Variants in SLCO3A1 observed in about 807,000 individuals in gnomAD.
SLCO3A1 encodes PGE1 transporter.
Under a neutral mutation model 63.1 loss-of-function variants are expected in SLCO3A1, and 27 were observed. The observed-to-expected ratio is 0.43, with a 90% CI of 0.32 to 0.59. The LOEUF (loss-of-function observed/expected upper bound fraction) is 0.59. Among genes scored for constraint, SLCO3A1 ranks in the 20% least tolerant of loss-of-function variants. The pLI, the probability that SLCO3A1 is intolerant of heterozygous loss-of-function variation, is 0.09. For missense variants in SLCO3A1, 773 were observed against 945.8 expected (o/e 0.82, Z 2.40); for synonymous variants, 473 against 409.9 (o/e 1.15, Z -1.86).
At chr15:92,039,519 A>G (rs113563647) in intron 2 of SLCO3A1, among the ~76,000 whole-genome samples, 1,757 of 152,374 alleles carry the variant, frequency 0.012, 31 homozygotes, top group African/African-American at 0.04. Flanking sequence ...CGACAATGAG[A>G]TAGTGTTTTG....
At chr15:91,880,427 A>T (rs1476385461) in intron 1 of SLCO3A1, among the ~76,000 whole-genome samples, 41 of 26,856 alleles carry the variant, frequency 1.5e-3, no homozygotes, top group East Asian at 6.8e-3. Flanking sequence ...GTGTGTGTGT[A>T]GTTCTTTGCA....
chr15:91,912,621 A>G lies in SLCO3A1; in HGVS notation c.181-3372A>G, dbSNP rs760921594. Among the ~76,000 whole-genome samples, 1 of 152,196 alleles carries G rather than the reference A, an allele frequency of 6.6e-6. No homozygotes were observed. The highest frequency in any genetic ancestry group is 1.5e-5 in the Non-Finnish European group (1 of 68,040). ...CACCTGCTGAAATGGAGCAGTTGTCATGTTTCAGATTTGTTGTCTTGTGTG... is the reference window on the plus strand; with the variant it reads ...CACCTGCTGAAATGGAGCAGTTGTCGTGTTTCAGATTTGTTGTCTTGTGTG... On this transcript the variant is annotated intron_variant, in intron 1 of 9. Transcript: ENST00000318445. This position sits in a 1 kb window ranked among gnomAD's most constrained non-coding sequence, Gnocchi z 5.0.
chr15:91,880,389 C>CTGTGTGTGTGTGTGTG lies in SLCO3A1; in HGVS notation c.180+26302_180+26303insGTGTGTGTGTGTGTGT, dbSNP rs1358208114. On this transcript the variant is annotated intron_variant, in intron 1 of 9. Transcript: ENST00000318445. ...TTTACCGGCACTCGTGCTTCTCTCT[C>CTGTGTGTGTGTGTGTG]TCTCTCTCTCTCTCTCTCTCTGTGT... 3.9e-3 allele frequency among the ~76,000 whole-genome samples: 409 copies of CTGTGTGTGTGTGTGTG among 103,712 alleles called. 4 individuals are homozygous for CTGTGTGTGTGTGTGTG. The highest frequency in any genetic ancestry group is 0.022 in the African/African-American group (387 of 17,864). 68.0% of individuals were successfully genotyped at this position (103,712 alleles called of 152,430 possible). A position where few individuals can be genotyped will look rare whatever the true frequency, so the allele number is the denominator to read the frequency against.
intron 2 of SLCO3A1, among the ~76,000 whole-genome samples, chr15:91,975,810 T>C (rs1341243676): frequency 6.6e-6 from 1 of 152,218 alleles, no homozygotes; most frequent in African/African-American, 2.4e-5. Flanking sequence ...AGCAGCCTAC[T>C]TTCCCTAGCA....
intron 2 of SLCO3A1, among the ~76,000 whole-genome samples, chr15:91,970,389 G>A (rs578256315): frequency 5.4e-4 from 82 of 152,334 alleles, no homozygotes; most frequent in African/African-American, 1.9e-3. Context: ...CCCTGGAGCA[G>A]CCAGCAAAGT....
chr15:92,104,435 A>G lies in SLCO3A1; in HGVS notation c.902A>G (p.Gln301Arg), dbSNP rs1484885148. ...TCAGAGCCCGCCATGGAAAGCGAGCAGGCCATGCTCTCCGAAAGAGAATAC... is the reference window on the plus strand; with the variant it reads ...TCAGAGCCCGCCATGGAAAGCGAGCGGGCCATGCTCTCCGAAAGAGAATAC... Reference protein sequence around the residue: ...PHSEPAMESEQAMLSEREYER... With the variant: ...PHSEPAMESERAMLSEREYER... Residue 301 changes from glutamine to arginine, a missense_variant, in exon 4 of 10, where the codon CAG (glutamine) becomes CGG (arginine). Physicochemically the swap from Gln to Arg is conservative, Grantham distance 43. Around this residue, in one of 3 missense-constraint regions of SLCO3A1, gnomAD observed 565 missense variants for 749.8 expected, o/e 0.75. Coordinates refer to ENST00000318445, the MANE Select transcript of SLCO3A1 (RefSeq NM_013272.4). 2 of 1,614,078 alleles carry G rather than the reference A, an allele frequency of 1.2e-6. No homozygotes were observed. The highest frequency in any genetic ancestry group is 1.7e-6 in the Non-Finnish European group (2 of 1,180,038).
At chr15:91,896,020 G>A (rs958322091) in intron 1 of SLCO3A1, among the ~76,000 whole-genome samples, 3 of 152,132 alleles carry the variant, frequency 2.0e-5, no homozygotes, top group Admixed American at 2.0e-4. Context: ...TTGTCATTTT[G>A]CTCCTCTAAA....
intron 2 of SLCO3A1, among the ~76,000 whole-genome samples, chr15:91,966,070 T>G (rs1214529833): frequency 6.6e-6 from 1 of 152,134 alleles, no homozygotes; most frequent in African/African-American, 2.4e-5. Flanking sequence ...GCCTCGTCAT[T>G]TTGGCAGCCG....
chr15:92,163,050 T>G lies in SLCO3A1; in HGVS notation c.2048T>G (p.Val683Gly), dbSNP rs764960445. The change falls in exon 10 of 10, where the codon GTG becomes GGG. Residue 683 changes from valine to glycine, a missense_variant. Around this residue, in one of 3 missense-constraint regions of SLCO3A1, gnomAD observed 139 missense variants for 131.4 expected, o/e 1.06. Coordinates refer to ENST00000318445, the MANE Select transcript of SLCO3A1 (RefSeq NM_013272.4). Reference sequence around the variant, plus strand: ...CTAGACAACCTGGGGAGGGACCCTGTGCCCGCAAACCAGACACATAGGACA... The same window carrying G: ...CTAGACAACCTGGGGAGGGACCCTGGGCCCGCAAACCAGACACATAGGACA... ...LTLDNLGRDP[V>G]PANQTHRTKF... The G allele has an allele frequency of 2.5e-6, 4 of 1,584,204 alleles. No homozygotes were observed. The highest frequency in any genetic ancestry group is 1.2e-5 in the South Asian group (1 of 85,554).
At chr15:92,019,426 C>T (rs902642419) in intron 2 of SLCO3A1, among the ~76,000 whole-genome samples, 1 of 152,202 alleles carries the variant, frequency 6.6e-6, no homozygotes, top group African/African-American at 2.4e-5. Flanking sequence ...ATATTACTTT[C>T]TTCCCCTTCA....
intron 2 of SLCO3A1, among the ~76,000 whole-genome samples, chr15:91,928,903 C>T (rs1430485829): frequency 1.3e-5 from 2 of 152,170 alleles, no homozygotes; most frequent in African/African-American, 4.8e-5. Context: ...TGCACTTATG[C>T]AACTTGGACT....
intron 1 of SLCO3A1, among the ~76,000 whole-genome samples, chr15:91,880,017 G>C (rs1897513839): frequency 6.6e-6 from 1 of 152,102 alleles, no homozygotes. Context: ...GAAGCTGGCT[G>C]TGTTCCTCTT....
At chr15:91,918,227 A>G (rs1372974157) in intron 2 of SLCO3A1, among the ~76,000 whole-genome samples, 1 of 152,230 alleles carries the variant, frequency 6.6e-6, no homozygotes, top group Admixed American at 6.5e-5. Context: ...AGGCGTGGAC[A>G]GTAGGGCTGA....
At chr15:92,126,911 T>G (rs946105190) in intron 6 of SLCO3A1, among the ~76,000 whole-genome samples, 2 of 152,208 alleles carry the variant, frequency 1.3e-5, no homozygotes, top group African/African-American at 4.8e-5. Flanking sequence ...AAATCCAGCC[T>G]GGAGCATCGA....
At chr15:92,101,454 A>G (rs1943979111) in intron 3 of SLCO3A1, among the ~76,000 whole-genome samples, 1 of 152,124 alleles carries the variant, frequency 6.6e-6, no homozygotes, top group South Asian at 2.1e-4. Flanking sequence ...GGTTGCAGTA[A>G]GCCAAGATCA....
In SLCO3A1 at chr15:92,151,013, G is replaced by T. The variant is rs761867816; in HGVS notation, c.1752G>T (p.Leu584Phe). Residue 584 changes from leucine (L) to phenylalanine (F), a missense_variant and splice_region_variant, in exon 9 of 10, where the codon TTG (leucine) becomes TTT (phenylalanine). By Grantham distance (22) the Leu-to-Phe change is conservative (BLOSUM62 0). This residue lies in a region of SLCO3A1 where 565 missense variants were observed against 749.8 expected (regional missense o/e 0.75). Coordinates refer to ENST00000318445, the MANE Select transcript of SLCO3A1 (RefSeq NM_013272.4). The stretch of plus-strand genomic sequence containing the variant: ...TTCTTTTTCTCCTCCTTCGTTTGTT[G>T]GGTATGTATTATCTCTTTATTTCCT... Reference protein sequence around the residue: ...LGVLFLLLRLLGFIPPPLIFG... With the variant: ...LGVLFLLLRLFGFIPPPLIFG... The T allele has an allele frequency of 1.9e-6, 3 of 1,606,778 alleles. No individual in the cohort carries two copies. In the South Asian group the frequency reaches 3.3e-5, roughly 18 times the overall value.
In SLCO3A1 at chr15:91,950,556, A is replaced by G. The variant is rs1899964759; in HGVS notation, c.646+34098A>G. 6.6e-6 allele frequency among the ~76,000 whole-genome samples: 1 copy of G among 152,270 alleles called. No individual in the cohort carries two copies. Among genetic ancestry groups the G allele is most frequent in the Non-Finnish European group, 1.5e-5 (1 of 68,046 alleles). On this transcript the variant is annotated intron_variant, in intron 2 of 9. Coordinates refer to ENST00000318445, the MANE Select transcript of SLCO3A1 (RefSeq NM_013272.4). The surrounding 1 kb of genome is among the most constrained non-coding windows in gnomAD (Gnocchi z 4.4). ...CCTTTGTTTTTTTGCTGCAGGCTCCATAATGTCATCCGGTCTTTCTAGCCT... is the reference window on the plus strand; with the variant it reads ...CCTTTGTTTTTTTGCTGCAGGCTCCGTAATGTCATCCGGTCTTTCTAGCCT...
At chr15:92,004,459 C>A (rs1265884952) in intron 2 of SLCO3A1, among the ~76,000 whole-genome samples, 1 of 152,186 alleles carries the variant, frequency 6.6e-6, no homozygotes, top group East Asian at 1.9e-4. Context: ...GATGACTATC[C>A]GTGGAGAGGG....
rs1899055490 is a variant in SLCO3A1 at position 91,927,043 on chromosome 15, C to T, written c.646+10585C>T. ...ATGTTGTTCACTGTTCAGCTCTTAG[C>T]TTGTTTTGCTCCCTGGAGAGCCACT... On this transcript the variant is annotated intron_variant, in intron 2 of 9. Coordinates refer to ENST00000318445, the MANE Select transcript of SLCO3A1 (RefSeq NM_013272.4). 2.6e-5 allele frequency among the ~76,000 whole-genome samples: 4 copies of T among 152,094 alleles called. No homozygotes were observed. In the South Asian group the frequency reaches 8.3e-4, roughly 32 times the overall value.
Sources: allele counts gnomAD v4.1 joint callset (sites outside exome capture counted in the v4.1 genomes callset), GRCh38; gene constraint gnomAD v4.1.1; regional missense constraint gnomAD v4.1.1; non-coding constraint Gnocchi (gnomAD v3.1); transcripts MANE v1.5; gene names NCBI Gene and HGNC (gene_info 2026-07-23, HGNC 2026-07-21).